Variants in KIF6 observed in about 807,000 individuals in gnomAD.
The protein encoded by KIF6 is kinesin-like protein KIF6.
A neutral mutation model predicts 112.7 loss-of-function variants in KIF6; 106 were observed. The observed-to-expected ratio is 0.94, with a 90% confidence interval of 0.80 to 1.11. The LOEUF is 1.11. Ranked by LOEUF, KIF6 falls within the 50% of genes least tolerant of loss-of-function variation. The pLI, the probability that KIF6 is intolerant of heterozygous loss-of-function variation, is 0.00. For synonymous variants in KIF6, 339 were observed against 339.9 expected, an observed-to-expected ratio of 1.00 and a Z score of 0.03; for missense variants, 929 against 964.0, an observed-to-expected ratio of 0.96 and a Z score of 0.48.
At chr6:39,522,537 C>T (rs1777456791) in intron 13 of KIF6, among the ~76,000 whole-genome samples, 1 of 152,154 alleles carries the variant, frequency 6.6e-6, no homozygotes, top group Non-Finnish European at 1.5e-5. Context: ...ACTTCTTTAC[C>T]TCCTAGTTGT....
intron 3 of KIF6, among the ~76,000 whole-genome samples, chr6:39,661,495 T>G (rs1026985753): frequency 6.6e-6 from 1 of 152,108 alleles, no homozygotes; most frequent in Non-Finnish European, 1.5e-5. Context: ...ATTCTTTTTT[T>G]CTCTCTCTCT....
intron 19 of KIF6, among the ~76,000 whole-genome samples, chr6:39,352,367 C>A (rs143532201): frequency 6.6e-6 from 1 of 152,262 alleles, no homozygotes; most frequent in Admixed American, 6.5e-5. Flanking sequence ...ATCATCTATG[C>A]AACATTACAA....
In KIF6 at chr6:39,639,686, G is replaced by A. The variant is rs772345365; in HGVS notation, c.323C>T (p.Thr108Ile). 6.8e-6 allele frequency: 11 copies of A among 1,612,214 alleles called. No homozygotes were observed. The South Asian group carries it at 1.1e-4, about 16-fold the overall frequency. Residue 108 changes from threonine to isoleucine, a missense_variant, in exon 4 of 23, where the codon ACA becomes ATA. Physicochemically the swap from Thr to Ile is moderately conservative, Grantham distance 89. This residue lies in a region of KIF6 where 688 missense variants were observed against 662.7 expected (regional missense o/e 1.04). Transcript: ENST00000287152. ...GTCACTGTAACGCTCTGCACCCCCTGTGATAGTGAATGTCTTCCCGCTGCC... is the reference window on the plus strand; with the variant it reads ...GTCACTGTAACGCTCTGCACCCCCTATGATAGTGAATGTCTTCCCGCTGCC... ...QTGSGKTFTITGGAERYSDRG... is the reference protein window; with the variant it reads ...QTGSGKTFTIIGGAERYSDRG...
intron 3 of KIF6, among the ~76,000 whole-genome samples, chr6:39,701,616 C>T (rs772390606): frequency 1.1e-4 from 16 of 152,304 alleles, no homozygotes; most frequent in Non-Finnish European, 2.1e-4. Context: ...AGACAGCAAC[C>T]GCTGAGCATT....
intron 13 of KIF6, among the ~76,000 whole-genome samples, chr6:39,531,611 C>G (rs137896621): frequency 9.2e-5 from 14 of 152,166 alleles, no homozygotes; most frequent in African/African-American, 2.7e-4. Flanking sequence ...CCCATGCTCT[C>G]TATAGCCAAC....
At chr6:39,372,791 A>G (rs1267397946) in intron 16 of KIF6, among the ~76,000 whole-genome samples, 3 of 152,098 alleles carry the variant, frequency 2.0e-5, no homozygotes, top group Non-Finnish European at 4.4e-5. Context: ...CTCCCTAATT[A>G]TTTCTCAAAT....
chr6:39,588,696 T>C (rs1408724905), intron 7 of KIF6, among the ~76,000 whole-genome samples: 2 of 152,170 alleles, frequency 1.3e-5, no homozygotes, highest in Non-Finnish European at 1.5e-5. Context: ...CCCATTATTA[T>C]TAAGGCCCCA....
At chr6:39,453,656 A>C (rs1772846001) in intron 13 of KIF6, among the ~76,000 whole-genome samples, 1 of 152,208 alleles carries the variant, frequency 6.6e-6, no homozygotes, top group African/African-American at 2.4e-5. Context: ...TATTTCTTGA[A>C]TATTTATCAT....
chr6:39,533,588 C>CAGACAAACAAAA (rs59274963), intron 13 of KIF6, among the ~76,000 whole-genome samples: 2 of 152,178 alleles, frequency 1.3e-5, no homozygotes, highest in African/African-American at 4.8e-5. Context: ...GGGCAGGGCA[C>CAGACAAACAAAA]AGACAAACAA....
In KIF6 at chr6:39,586,319, C is replaced by A; in HGVS notation, c.932G>T (p.Gly311Val). The part of the protein sequence containing the change: ...MMTSVLRDSL[G>V]GNCMTTMIAT... ...AATCATAGTTGTCATGCAGTTCCCT[C>A]CCAAACTGTCTCTTAGGACACTGGT... The change falls in exon 8 of 23, where the codon GGA becomes GTA. Residue 311 changes from glycine (G) to valine (V), a missense_variant. Physicochemically the swap from Gly to Val is moderately radical, Grantham distance 109. Coordinates refer to ENST00000287152, the MANE Select transcript of KIF6 (RefSeq NM_145027.6). 6.2e-7 allele frequency: 1 copy of A among 1,614,068 alleles called. No homozygotes were observed. Among genetic ancestry groups the A allele is most frequent in the Non-Finnish European group, 8.5e-7 (1 of 1,179,912 alleles).
At chr6:39,539,167 T>C (rs1778637024) in intron 13 of KIF6, among the ~76,000 whole-genome samples, 1 of 151,082 alleles carries the variant, frequency 6.6e-6, no homozygotes, top group African/African-American at 2.4e-5. Context: ...TGTATACATA[T>C]GTAACTAACC....
At position 39,333,231 on chromosome 6, in the gene KIF6, G is replaced by A. The variant is rs965321539; in HGVS notation, c.*3301C>T. 7 of 152,166 alleles carry A rather than the reference G, an allele frequency of 4.6e-5. No individual in the cohort carries two copies. The highest frequency in any genetic ancestry group is 1.7e-4 in the African/African-American group (7 of 41,442). 9.4% of individuals were successfully genotyped at this position (152,166 alleles called of 1,614,324 possible). On this transcript the variant is annotated 3_prime_UTR_variant, in exon 23 of 23. Coordinates refer to ENST00000287152, the MANE Select transcript of KIF6 (RefSeq NM_145027.6). ...GGAGAGACAATGAACTCTGCACTGAGAAATCCTAGATCCAGTCATATACTG... is the reference window on the plus strand; with the variant it reads ...GGAGAGACAATGAACTCTGCACTGAAAAATCCTAGATCCAGTCATATACTG...
intron 13 of KIF6, among the ~76,000 whole-genome samples, chr6:39,539,366 CAG>C (rs1778649476): frequency 6.6e-6 from 1 of 152,052 alleles, no homozygotes; most frequent in South Asian, 2.1e-4. Context: ...ATTTTTGAGA[CAG>C]AGTCTCACTC....
rs1786278481 is a variant in KIF6 at position 39,663,439 on chromosome 6, G to T, written c.252-23682C>A. On this transcript the variant is annotated intron_variant, in intron 3 of 22. Coordinates refer to ENST00000287152, the MANE Select transcript of KIF6 (RefSeq NM_145027.6). ...AGAAATAAAAGTAGTCAGTCCCAGAGATCCCTCAAGAAGCACATGGGACCA... is the reference window on the plus strand; with the variant it reads ...AGAAATAAAAGTAGTCAGTCCCAGATATCCCTCAAGAAGCACATGGGACCA... Among the ~76,000 whole-genome samples the T allele has an allele frequency of 3.3e-5, 5 of 152,234 alleles. No individual in the cohort carries two copies. The South Asian group carries it at 1.0e-3, about 32-fold the overall frequency.
intron 13 of KIF6, among the ~76,000 whole-genome samples, chr6:39,497,583 C>T (rs1329065779): frequency 6.6e-6 from 1 of 151,438 alleles, no homozygotes; most frequent in Non-Finnish European, 1.5e-5. Flanking sequence ...CTAAGGCAGG[C>T]TCAGAACCCA....
intron 13 of KIF6, among the ~76,000 whole-genome samples, chr6:39,535,860 T>A (rs1344288165): frequency 6.6e-6 from 1 of 152,120 alleles, no homozygotes; most frequent in African/African-American, 2.4e-5. Flanking sequence ...TATAACAAAC[T>A]GTCTCTCAGA....
At chr6:39,715,249 G>A (rs1260183930) in intron 2 of KIF6, among the ~76,000 whole-genome samples, 3 of 152,078 alleles carry the variant, frequency 2.0e-5, no homozygotes. Context: ...CCACTAATTT[G>A]GTGCTATATC....
chr6:39,513,462 TGAGAG>T (rs1776895627), intron 13 of KIF6, among the ~76,000 whole-genome samples: 1 of 152,206 alleles, frequency 6.6e-6, no homozygotes. Context: ...CATGGGCCCC[TGAGAG>T]GGTCTTAGTA....
intron 16 of KIF6, among the ~76,000 whole-genome samples, chr6:39,376,021 C>T (rs1766413359): frequency 6.6e-6 from 1 of 152,180 alleles, no homozygotes; most frequent in Admixed American, 6.5e-5. Flanking sequence ...CTCCTCACTC[C>T]CAGCCTCTCC....
Sources: allele counts gnomAD v4.1 joint callset (sites outside exome capture counted in the v4.1 genomes callset), GRCh38; gene constraint gnomAD v4.1.1; regional missense constraint gnomAD v4.1.1; transcripts MANE v1.5; gene names NCBI Gene and HGNC (gene_info 2026-07-23, HGNC 2026-07-21).